RXFP1: variants seen among roughly 807,000 people sequenced by gnomAD.
RXFP1 encodes relaxin receptor 1.
A neutral mutation model predicts 89.8 loss-of-function variants in RXFP1; 73 were observed. That is an observed-to-expected ratio of 0.81 (90% CI 0.67 to 0.99). The LOEUF (loss-of-function observed/expected upper bound fraction) is 0.99. RXFP1 is among the 50% of genes least tolerant of loss of function. RXFP1 has a pLI of 0.00. For synonymous variants in RXFP1, 277 were observed against 305.5 expected, an observed-to-expected ratio of 0.91 and a Z score of 0.97; for missense variants, 793 against 895.5, an observed-to-expected ratio of 0.89 and a Z score of 1.46.
intron 2 of RXFP1, among the ~76,000 whole-genome samples, chr4:158,581,909 T>C (rs1394405218): frequency 2.0e-5 from 3 of 152,158 alleles, no homozygotes; most frequent in East Asian, 3.8e-4. Context: ...CTTCCACTCA[T>C]GGCAGAAGGC....
chr4:158,527,390 G>A (rs2124273), intron 1 of RXFP1, among the ~76,000 whole-genome samples: 133,362 of 150,920 alleles, frequency 0.88, 61,255 homozygotes, highest in East Asian at 1. Context: ...TAAAAATACA[G>A]AAGTTAGCCG....
chr4:158,563,956 TTATAA>T (rs955627832), intron 1 of RXFP1, among the ~76,000 whole-genome samples: 3 of 148,258 alleles, frequency 2.0e-5, no homozygotes, highest in South Asian at 2.1e-4. Context: ...TATATAAATG[TTATAA>T]TATATAACAT....
chr4:158,608,867 C>T (rs1763029011), intron 6 of RXFP1, among the ~76,000 whole-genome samples: 1 of 152,136 alleles, frequency 6.6e-6, no homozygotes, highest in Middle Eastern at 3.2e-3. Context: ...CTTTAAGTAC[C>T]TCATATAAGG....
intron 2 of RXFP1, among the ~76,000 whole-genome samples, chr4:158,591,980 C>T (rs573429606): frequency 2.8e-4 from 42 of 152,260 alleles, no homozygotes; most frequent in African/African-American, 8.9e-4. Context: ...CCCAGAGAAA[C>T]TGCTTCTTCA....
chr4:158,590,629 T>C (rs903772899), intron 2 of RXFP1, among the ~76,000 whole-genome samples: 1 of 152,184 alleles, frequency 6.6e-6, no homozygotes, highest in Non-Finnish European at 1.5e-5. Flanking sequence ...TTAAGTGACT[T>C]CTTTTTGTCA....
At chr4:158,568,143 C>T (rs1579680876) in intron 1 of RXFP1, among the ~76,000 whole-genome samples, 2 of 152,272 alleles carry the variant, frequency 1.3e-5, no homozygotes, top group African/African-American at 2.4e-5. Flanking sequence ...AGACCACGAA[C>T]CCACCAGAAG....
At chr4:158,571,823 T>A (rs904202999) in intron 1 of RXFP1, among the ~76,000 whole-genome samples, 6 of 152,126 alleles carry the variant, frequency 3.9e-5, no homozygotes, top group African/African-American at 7.2e-5. Context: ...CGTATGTAAA[T>A]GTCAGCAGCT....
chr4:158,628,567 C>A, intron 10 of RXFP1, 71 bp from the exon 11 acceptor site: 1 of 672,878 alleles, frequency 1.5e-6, no homozygotes, highest in South Asian at 2.0e-5. Flanking sequence ...TTTCTGCATA[C>A]CGTTCCTCTC....
chr4:158,650,399 A>G (rs184388815), intron 17 of RXFP1, among the ~76,000 whole-genome samples: 4 of 150,416 alleles, frequency 2.7e-5, no homozygotes, highest in African/African-American at 7.3e-5. Context: ...TTTTACCACA[A>G]TGAAAATGCA....
chr4:158,609,419 G>A (rs1025457396), intron 6 of RXFP1, among the ~76,000 whole-genome samples: 2 of 152,104 alleles, frequency 1.3e-5, no homozygotes, highest in Non-Finnish European at 2.9e-5. Context: ...AAAAAAAAAG[G>A]CTTTCTCAAT....
chr4:158,575,931 A>G (rs1367997775), intron 2 of RXFP1, among the ~76,000 whole-genome samples: 2 of 152,196 alleles, frequency 1.3e-5, no homozygotes, highest in Non-Finnish European at 2.9e-5. Flanking sequence ...GATGGACTCC[A>G]CTGAGATCAG....
chr4:158,622,584 G>T (rs982782068), intron 9 of RXFP1, among the ~76,000 whole-genome samples: 2 of 152,158 alleles, frequency 1.3e-5, no homozygotes, highest in Admixed American at 6.5e-5. Context: ...GAACTTAGGG[G>T]ACATTATGCT....
Position 158,647,175 on chromosome 4 carries a change from A to C in RXFP1, c.1730A>C (p.Gln577Pro), listed in dbSNP as rs902232818. ...HSEDTESIGA[Q>P]IYSVAIFLGI... ...GAAGATACAGAAAGTATTGGAGCCCAGATTTATTCAGTGGCAATTTTTCTT... is the reference window on the plus strand; with the variant it reads ...GAAGATACAGAAAGTATTGGAGCCCCGATTTATTCAGTGGCAATTTTTCTT... The change falls in exon 16 of 18, where the codon CAG becomes CCG. Residue 577 changes from glutamine (Q) to proline (P), a missense_variant. Gln to Pro is a moderately conservative substitution (Grantham distance 76). Coordinates refer to ENST00000307765, the MANE Select transcript of RXFP1 (RefSeq NM_021634.4). 6.4e-7 allele frequency: 1 copy of C among 1,573,404 alleles called. No individual in the cohort carries two copies. Among genetic ancestry groups the C allele is most frequent in the Admixed American group, 2.0e-5 (1 of 50,466 alleles).
intron 3 of RXFP1, among the ~76,000 whole-genome samples, chr4:158,594,563 C>T (rs1424492344): frequency 6.7e-6 from 1 of 149,072 alleles, no homozygotes; most frequent in Non-Finnish European, 1.5e-5. Context: ...ATAGTGAGCA[C>T]TCAATAAATT....
chr4:158,593,325 A>T, intron 2 of RXFP1, 76 bp from the exon 3 acceptor site: 1 of 805,252 alleles, frequency 1.2e-6, no homozygotes, highest in Non-Finnish European at 2.0e-6. Context: ...TGTTTTAAAG[A>T]GAGGACCTGT....
chr4:158,614,057 A>G (rs1318797125), intron 8 of RXFP1, among the ~76,000 whole-genome samples: 1 of 152,200 alleles, frequency 6.6e-6, no homozygotes, highest in African/African-American at 2.4e-5. Flanking sequence ...GTATCTTGAA[A>G]GGAAATCTTT....
In RXFP1 at chr4:158,549,925, C is replaced by T. The variant is rs546549644; in HGVS notation, c.50-22773C>T. Among the ~76,000 whole-genome samples the T allele has an allele frequency of 3.7e-3, 570 of 152,288 alleles. 3 individuals are homozygous for T. Among genetic ancestry groups the T allele is most frequent in the African/African-American group, 0.013 (540 of 41,566 alleles). ...GGACCCACTTGAGGAGGCAGTCTGC[C>T]CATTCTCAGATCTCCAGCTGCATGC... On this transcript the variant is annotated intron_variant, in intron 1 of 17. Transcript: ENST00000307765.
At chr4:158,529,146 C>A (rs777309922) in intron 1 of RXFP1, among the ~76,000 whole-genome samples, 2 of 152,156 alleles carry the variant, frequency 1.3e-5, no homozygotes, top group Non-Finnish European at 2.9e-5. Flanking sequence ...TTAAACGACC[C>A]CAAGATATTC....
chr4:158,560,946 G>C (rs1226224292), intron 1 of RXFP1, among the ~76,000 whole-genome samples: 1 of 152,140 alleles, frequency 6.6e-6, no homozygotes, highest in Admixed American at 6.5e-5. Flanking sequence ...AAGAGAGAAG[G>C]GTTTTGGGAA....
Sources: allele counts gnomAD v4.1 joint callset (sites outside exome capture counted in the v4.1 genomes callset), GRCh38; gene constraint gnomAD v4.1.1; transcripts MANE v1.5; gene names NCBI Gene and HGNC (gene_info 2026-07-23, HGNC 2026-07-21).